The following TTC7B variants were observed in gnomAD, a reference collection of about 807,000 sequenced individuals.
TTC7B encodes tetratricopeptide repeat protein 7B.
A neutral mutation model predicts 106.8 loss-of-function variants in TTC7B; 28 were observed. The observed-to-expected ratio is 0.26, with a 90% confidence interval of 0.19 to 0.36. The LOEUF is 0.36. Among genes scored for constraint, TTC7B ranks in the 10% least tolerant of loss-of-function variants. The probability of loss-of-function intolerance (pLI) is 1.00; values close to 1 mark genes in which losing one functional copy is unlikely to be tolerated. For synonymous variants in TTC7B, 405 were observed against 430.6 expected (o/e 0.94, Z 0.74); for missense variants, 862 against 1,076.4 (o/e 0.80, Z 2.79).
At chr14:90,707,445 A>G (rs1566847480) in intron 5 of TTC7B, among the ~76,000 whole-genome samples, 1 of 152,232 alleles carries the variant, frequency 6.6e-6, no homozygotes, top group East Asian at 1.9e-4. Context: ...CTTACTTTAA[A>G]TCAAAAGCTG....
intron 4 of TTC7B, among the ~76,000 whole-genome samples, chr14:90,743,311 T>C (rs1183786582): frequency 6.6e-6 from 1 of 152,114 alleles, no homozygotes; most frequent in Non-Finnish European, 1.5e-5. Context: ...CCCTGCCTCC[T>C]AAAAAGGCAA....
intron 17 of TTC7B, among the ~76,000 whole-genome samples, chr14:90,607,564 C>T (rs575539569): frequency 9.2e-5 from 14 of 152,344 alleles, no homozygotes; most frequent in East Asian, 5.8e-4. Context: ...ATAGCCCAGT[C>T]GCTTTTCTGG....
intron 5 of TTC7B, chr14:90,699,387 T>C (rs979576091): frequency 1.2e-5 from 4 of 347,638 alleles, no homozygotes; most frequent in Non-Finnish European, 2.2e-5. Flanking sequence ...TGTGTTGTTA[T>C]TTCTCCTTTT....
At position 90,786,373 on chromosome 14, in the gene TTC7B, G is replaced by T. The variant is rs372365446; in HGVS notation, c.122-45C>A. ...ACAAAGTGGGAGCAAGGAATGGCCT[G>T]CATGTAGGACCCCCTCACTCAAGGG... On this transcript the variant is annotated intron_variant, in intron 1 of 19. Coordinates refer to ENST00000328459, the MANE Select transcript of TTC7B (RefSeq NM_001010854.2). The T allele has an allele frequency of 2.3e-5, 37 of 1,605,044 alleles. No homozygotes were observed. In the African/African-American group the frequency reaches 4.1e-4, roughly 18 times the overall value.
chr14:90,668,865 A>G (rs1886521978), intron 9 of TTC7B, among the ~76,000 whole-genome samples: 1 of 142,144 alleles, frequency 7.0e-6, no homozygotes, highest in African/African-American at 2.6e-5. Flanking sequence ...GCAGTAATGG[A>G]AAAGCCAATC....
chr14:90,775,615 C>T (rs557093658), intron 3 of TTC7B, among the ~76,000 whole-genome samples: 67 of 152,220 alleles, frequency 4.4e-4, no homozygotes, highest in African/African-American at 1.3e-3. Context: ...GAGCCCAGCT[C>T]CTCCACCTGG....
chr14:90,769,712 T>C lies in TTC7B; in HGVS notation c.445+11026A>G, dbSNP rs986899902. Among the ~76,000 whole-genome samples the C allele has an allele frequency of 4.0e-5, 6 of 151,704 alleles. No homozygotes were observed. In the East Asian group the frequency reaches 1.2e-3, roughly 30 times the overall value. ...TGAACTCAGGAGGTTGAGGCTGCAGTGAGCTGTAATCACACCACTGTGCTG... is the reference window on the plus strand; with the variant it reads ...TGAACTCAGGAGGTTGAGGCTGCAGCGAGCTGTAATCACACCACTGTGCTG... On this transcript the variant is annotated intron_variant, in intron 3 of 19. Transcript: ENST00000328459.
intron 4 of TTC7B, among the ~76,000 whole-genome samples, chr14:90,738,877 T>C (rs571749870): frequency 3.3e-4 from 50 of 151,946 alleles, no homozygotes; most frequent in Non-Finnish European, 6.3e-4. Flanking sequence ...ATAAAAAAAT[T>C]AGTTGGGCAT....
intron 3 of TTC7B, among the ~76,000 whole-genome samples, chr14:90,769,212 G>C (rs113200313): frequency 0.02 from 3,016 of 151,914 alleles, 38 homozygotes; most frequent in African/African-American, 0.042. Flanking sequence ...TAAATATTTC[G>C]CTACAAAAAA....
intron 17 of TTC7B, among the ~76,000 whole-genome samples, chr14:90,602,606 T>A (rs1367597442): frequency 6.6e-6 from 1 of 151,360 alleles, no homozygotes; most frequent in African/African-American, 2.4e-5. Context: ...GAGGCCAAGG[T>A]GGGAGGCTCA....
At chr14:90,617,519 C>T (rs1033733060) in intron 16 of TTC7B, among the ~76,000 whole-genome samples, 7 of 152,172 alleles carry the variant, frequency 4.6e-5, no homozygotes, top group African/African-American at 9.7e-5. Context: ...TAGTAGCATG[C>T]GGCCTGATGT....
At chr14:90,559,425 G>A (rs893571597) in intron 19 of TTC7B, among the ~76,000 whole-genome samples, 1 of 152,244 alleles carries the variant, frequency 6.6e-6, no homozygotes, top group African/African-American at 2.4e-5. Context: ...ACAGCCAGAG[G>A]GCACTGGCGG....
At chr14:90,704,758 G>A (rs766461567) in intron 5 of TTC7B, among the ~76,000 whole-genome samples, 41 of 152,318 alleles carry the variant, frequency 2.7e-4, no homozygotes, top group Middle Eastern at 3.4e-3. Context: ...GAAAGATGGT[G>A]TCGGGGAAAA....
Position 90,780,997 on chromosome 14 carries a change from C to A in TTC7B, c.277-91G>T, listed in dbSNP as rs547360448. Reference sequence around the variant, plus strand: ...TCTGGCCAGCTGCTGCCGTAAAACCCCACAGCTCCCCGCACAAGAGCTTGG... The same window carrying A: ...TCTGGCCAGCTGCTGCCGTAAAACCACACAGCTCCCCGCACAAGAGCTTGG... On this transcript the variant is annotated intron_variant, in intron 2 of 19. Transcript: ENST00000328459. The A allele has an allele frequency of 3.2e-4, 350 of 1,108,194 alleles. No homozygotes were observed. In the African/African-American group the frequency reaches 4.7e-3, roughly 15 times the overall value. 68.6% of individuals were successfully genotyped at this position (1,108,194 alleles called of 1,614,324 possible). A position where few individuals can be genotyped will look rare whatever the true frequency, so the allele number is the denominator to read the frequency against.
intron 6 of TTC7B, among the ~76,000 whole-genome samples, chr14:90,691,474 A>C (rs1314347341): frequency 6.6e-6 from 1 of 152,218 alleles, no homozygotes; most frequent in African/African-American, 2.4e-5. Context: ...AACAATAAAT[A>C]TGAAATTACC....
chr14:90,558,753 C>T (rs1377904864), intron 19 of TTC7B, among the ~76,000 whole-genome samples: 1 of 152,202 alleles, frequency 6.6e-6, no homozygotes, highest in Non-Finnish European at 1.5e-5. Context: ...AGTGCATTAG[C>T]GCCGACAAAC....
chr14:90,702,653 T>G (rs921579660), intron 5 of TTC7B, among the ~76,000 whole-genome samples: 3 of 152,238 alleles, frequency 2.0e-5, no homozygotes, highest in Non-Finnish European at 4.4e-5. Context: ...CCCAGTTTGA[T>G]TCATTGATCC....
chr14:90,704,912 C>T (rs1010197751), intron 5 of TTC7B, among the ~76,000 whole-genome samples: 2 of 152,326 alleles, frequency 1.3e-5, no homozygotes, highest in East Asian at 3.9e-4. Context: ...CGACGCGAAG[C>T]TCAGGTTTAC....
chr14:90,524,957 G>A lies in TTC7B; in HGVS notation c.*16411C>T, dbSNP rs1053604849. The A allele has an allele frequency of 1.3e-5, 2 of 151,942 alleles. No individual in the cohort carries two copies. Among genetic ancestry groups the A allele is most frequent in the African/African-American group, 4.8e-5 (2 of 41,332 alleles). 9.4% of individuals were successfully genotyped at this position (151,942 alleles called of 1,614,324 possible). On this transcript the variant is annotated 3_prime_UTR_variant, in exon 20 of 20. Transcript: ENST00000328459. The stretch of plus-strand genomic sequence containing the variant: ...AGATGTGATTGGCACGTAGTAAAGC[G>A]CAAGCATTTAAAGTATACAGTTCAA...
Sources: gnomAD v4.1 joint callset for allele counts (sites outside exome capture counted in the v4.1 genomes callset) on GRCh38, gnomAD v4.1.1 for gene constraint, MANE v1.5 for transcripts, NCBI Gene and HGNC (gene_info 2026-07-23, HGNC 2026-07-21) for gene names.